MSANTD2: variants seen among roughly 807,000 people sequenced by gnomAD.
The protein encoded by MSANTD2 is Myb/SANT DNA binding domain containing 2, also known as myb/SANT-like DNA-binding domain-containing protein 2.
In MSANTD2, 19 loss-of-function variants were observed where a neutral mutation model predicts 52.6. The ratio of observed to expected loss-of-function variants is 0.36; its 90% CI spans 0.25 to 0.53. The LOEUF (loss-of-function observed/expected upper bound fraction) is 0.53, where lower values mean the gene tolerates loss of function less well. Among genes scored for constraint, MSANTD2 ranks in the 20% least tolerant of loss-of-function variants. The pLI, the probability that MSANTD2 is intolerant of heterozygous loss-of-function variation, is 0.91. For missense variants in MSANTD2, 558 were observed against 716.3 expected, an observed-to-expected ratio of 0.78 and a Z score of 2.52; for synonymous variants, 291 against 289.7, an observed-to-expected ratio of 1.00 and a Z score of -0.04.
At chr11:124,775,497 C>G (rs1402320971) in intron 1 of MSANTD2, 1 of 154,496 alleles carries the variant, frequency 6.5e-6, no homozygotes, top group Admixed American at 6.3e-5. Flanking sequence ...GCTAGTAAAA[C>G]ATATTACTTA....
intron 3 of MSANTD2, among the ~76,000 whole-genome samples, chr11:124,768,234 C>T (rs1390881471): frequency 3.9e-5 from 6 of 152,124 alleles, no homozygotes; most frequent in Non-Finnish European, 5.9e-5. Flanking sequence ...AGCTACTGTA[C>T]TGGGCAGTGT....
intron 1 of MSANTD2, among the ~76,000 whole-genome samples, chr11:124,793,336 T>G (rs1022116987): frequency 6.6e-6 from 1 of 152,230 alleles, no homozygotes; most frequent in Non-Finnish European, 1.5e-5. Flanking sequence ...TCTCATCATA[T>G]TCATCTCATA....
At chr11:124,791,536 G>C (rs1945331996) in intron 1 of MSANTD2, 3 of 1,148,696 alleles carry the variant, frequency 2.6e-6, no homozygotes, top group Non-Finnish European at 3.9e-6. Flanking sequence ...AACGACAGAA[G>C]GGTGCAGACA....
chr11:124,779,185 T>C lies in MSANTD2; in HGVS notation c.511-4211A>G, dbSNP rs923778470. ...AGAGTTCAGAAAAGGGCAAATAAAA[T>C]ATTGAAAGGCTTGGAAAATAAGATC... is the stretch of plus-strand genomic sequence containing the variant. On this transcript the variant is annotated intron_variant, in intron 1 of 3. Coordinates refer to ENST00000374979, the MANE Select transcript of MSANTD2 (RefSeq NM_001308027.2). This position sits in a 1 kb window ranked among gnomAD's most constrained non-coding sequence, Gnocchi z 4.6. The C allele has an allele frequency of 6.6e-6, 1 of 152,124 alleles. No homozygotes were observed. Among genetic ancestry groups the C allele is most frequent in the Non-Finnish European group, 1.5e-5 (1 of 68,024 alleles). 9.4% of individuals were successfully genotyped at this position (152,124 alleles called of 1,614,324 possible).
At chr11:124,787,944 A>G (rs1335576576) in intron 1 of MSANTD2, among the ~76,000 whole-genome samples, 1 of 152,016 alleles carries the variant, frequency 6.6e-6, no homozygotes, top group Non-Finnish European at 1.5e-5. Flanking sequence ...AAAATACAAC[A>G]ATTAGCTGGG....
chr11:124,772,523 G>A (rs1016708218), intron 3 of MSANTD2, among the ~76,000 whole-genome samples: 4 of 152,098 alleles, frequency 2.6e-5, no homozygotes, highest in African/African-American at 9.7e-5. Flanking sequence ...GGATCACCAG[G>A]TCAGGAGATC....
chr11:124,792,673 C>T (rs1945368997), intron 1 of MSANTD2: 1 of 152,214 alleles, frequency 6.6e-6, no homozygotes, highest in Admixed American at 6.5e-5. Flanking sequence ...AGTAATCTGA[C>T]TCCTTTATTA....
At chr11:124,770,469 A>T (rs1041690763) in intron 3 of MSANTD2, among the ~76,000 whole-genome samples, 2 of 151,910 alleles carry the variant, frequency 1.3e-5, no homozygotes, top group African/African-American at 2.4e-5. Context: ...AGTGAATTTT[A>T]AAAATTTTTG....
chr11:124,779,631 A>G lies in MSANTD2; in HGVS notation c.511-4657T>C, dbSNP rs996865586. Among the ~76,000 whole-genome samples the G allele has an allele frequency of 2.0e-5, 3 of 152,376 alleles. No individual in the cohort carries two copies. The highest frequency in any genetic ancestry group is 1.9e-4 in the East Asian group (1 of 5,192). ...AGATGAAAAATAAAGTCAATCTGCA[A>G]GGAGGACAGCTTAGTTATAATAGCA... On this transcript the variant is annotated intron_variant, in intron 1 of 3. Coordinates refer to ENST00000374979, the MANE Select transcript of MSANTD2 (RefSeq NM_001308027.2). This position sits in a 1 kb window ranked among gnomAD's most constrained non-coding sequence, Gnocchi z 4.6.
chr11:124,780,877 T>C (rs529938098), intron 1 of MSANTD2, among the ~76,000 whole-genome samples: 112 of 152,198 alleles, frequency 7.4e-4, no homozygotes, highest in Non-Finnish European at 1.1e-3. Context: ...AAGGAAATAA[T>C]TTCTATCAGT....
intron 1 of MSANTD2, chr11:124,784,446 C>A: frequency 1.0e-6 from 1 of 984,822 alleles, no homozygotes; most frequent in Non-Finnish European, 1.2e-6. Context: ...CCACTACGAA[C>A]TAATTATTCC....
At chr11:124,788,060 C>T (rs1461616784) in intron 1 of MSANTD2, among the ~76,000 whole-genome samples, 1 of 136,626 alleles carries the variant, frequency 7.3e-6, no homozygotes, top group Non-Finnish European at 1.5e-5. Flanking sequence ...CTAGCTTGGG[C>T]AACAGAGCAA....
In MSANTD2 at chr11:124,767,329, C is replaced by G. The variant is rs988900991; in HGVS notation, c.1527G>C (p.Gly509=). Residue 509 remains glycine (G), a synonymous_variant, in exon 4 of 4, where the codon GGG becomes GGC. Transcript: ENST00000374979. This position sits in a 1 kb window ranked among gnomAD's most constrained non-coding sequence, Gnocchi z 6.5. Reference sequence around the variant, plus strand: ...CCACAATACAGTTCTGAGACAAAAACCCGTTAATACCAACCCAATCTTTGC... The same window carrying G: ...CCACAATACAGTTCTGAGACAAAAAGCCGTTAATACCAACCCAATCTTTGC... ...TFSKDWVGIN[G]FLSQNCIVDP... 1 of 1,614,188 alleles carries G rather than the reference C, an allele frequency of 6.2e-7. No homozygotes were observed. The highest frequency in any genetic ancestry group is 1.1e-5 in the South Asian group (1 of 91,086).
chr11:124,790,211 G>A (rs752766172), intron 1 of MSANTD2: 4 of 151,960 alleles, frequency 2.6e-5, no homozygotes, highest in African/African-American at 4.8e-5. Flanking sequence ...TGAAAAAGTC[G>A]GGGGGGAAAG....
At chr11:124,772,880 C>T (rs1944589137) in intron 3 of MSANTD2, 114 bp downstream of exon 3, 3 of 702,106 alleles carry the variant, frequency 4.3e-6, no homozygotes, top group East Asian at 2.7e-5. Context: ...AATAGACATG[C>T]CTCCTTGGTG....
At chr11:124,786,468 A>G (rs952992703) in intron 1 of MSANTD2, among the ~76,000 whole-genome samples, 2 of 152,216 alleles carry the variant, frequency 1.3e-5, no homozygotes, top group Non-Finnish European at 2.9e-5. Flanking sequence ...GCCTCCTTTG[A>G]TAAGCCACAT....
intron 1 of MSANTD2, chr11:124,791,510 G>C (rs754131547): frequency 7.2e-6 from 8 of 1,106,878 alleles, no homozygotes; most frequent in Admixed American, 3.9e-5. Context: ...GCAAGAGTTG[G>C]AGAAGGGATA....
chr11:124,776,541 C>T (rs1330100857), intron 1 of MSANTD2, among the ~76,000 whole-genome samples: 1 of 152,214 alleles, frequency 6.6e-6, no homozygotes, highest in Non-Finnish European at 1.5e-5. Context: ...AGGTGATCCG[C>T]CCGCCTTGGC....
At chr11:124,787,667 C>T (rs987812217) in intron 1 of MSANTD2, among the ~76,000 whole-genome samples, 2 of 152,272 alleles carry the variant, frequency 1.3e-5, no homozygotes, top group Middle Eastern at 3.4e-3. Context: ...AACATGTGAA[C>T]TCTATAGGTA....
Sources: allele counts gnomAD v4.1 joint callset (sites outside exome capture counted in the v4.1 genomes callset), GRCh38; gene constraint gnomAD v4.1.1; non-coding constraint Gnocchi (gnomAD v3.1); transcripts MANE v1.5; gene names NCBI Gene and HGNC (gene_info 2026-07-23, HGNC 2026-07-21).